MICU2: variants seen among roughly 807,000 people sequenced by gnomAD.
The protein encoded by MICU2 is calcium uptake protein 2, mitochondrial.
MICU2 carries 64 observed loss-of-function variants against 60.4 expected under a neutral mutation model. The observed-to-expected ratio is 1.06, with a 90% confidence interval of 0.87 to 1.31. MICU2 has a LOEUF of 1.31. Ranked by LOEUF, MICU2 falls within the 50% of genes most tolerant of loss-of-function variation. The probability of loss-of-function intolerance (pLI) is 0.00; values close to 1 mark genes in which losing one functional copy is unlikely to be tolerated. For synonymous variants in MICU2, 201 were observed against 175.0 expected (o/e 1.15, Z -1.17); for missense variants, 569 against 531.0 (o/e 1.07, Z -0.70).
chr13:21,572,167 G>A (rs1197133575), intron 1 of MICU2, among the ~76,000 whole-genome samples: 1 of 152,240 alleles, frequency 6.6e-6, no homozygotes, highest in African/African-American at 2.4e-5. Context: ...TAAGGCAGGA[G>A]AGAAAAATAA....
chr13:21,543,276 G>A (rs1353106085), intron 2 of MICU2, among the ~76,000 whole-genome samples: 1 of 152,100 alleles, frequency 6.6e-6, no homozygotes, highest in Non-Finnish European at 1.5e-5. Context: ...ATGAGACAAG[G>A]ATGCTCACCC....
intron 7 of MICU2, among the ~76,000 whole-genome samples, chr13:21,511,772 T>C (rs747278849): frequency 1.3e-5 from 2 of 152,212 alleles, no homozygotes; most frequent in South Asian, 2.1e-4. Flanking sequence ...AAACATGTTA[T>C]ATAAATAGAA....
chr13:21,528,079 G>T (rs529397106), intron 4 of MICU2, among the ~76,000 whole-genome samples: 1 of 152,086 alleles, frequency 6.6e-6, no homozygotes, highest in African/African-American at 2.4e-5. Flanking sequence ...ATATTTTTGA[G>T]GATGGTATTA....
chr13:21,534,151 T>C (rs938306757), intron 4 of MICU2, among the ~76,000 whole-genome samples: 1 of 152,024 alleles, frequency 6.6e-6, no homozygotes, highest in Non-Finnish European at 1.5e-5. Context: ...GGATCTAATT[T>C]TGCTGACAAA....
intron 1 of MICU2, among the ~76,000 whole-genome samples, chr13:21,597,240 T>C (rs1389508617): frequency 2.6e-5 from 4 of 152,230 alleles, no homozygotes; most frequent in Non-Finnish European, 5.9e-5. Flanking sequence ...ACATATTTAC[T>C]GCACCTACTA....
chr13:21,537,384 G>A (rs1311952224), intron 4 of MICU2, among the ~76,000 whole-genome samples: 2 of 151,818 alleles, frequency 1.3e-5, no homozygotes, highest in Admixed American at 6.6e-5. Flanking sequence ...TCTCTCATCA[G>A]TTCTTTTTCC....
chr13:21,539,189 G>A, intron 4 of MICU2, 113 bp downstream of exon 4: 1 of 897,130 alleles, frequency 1.1e-6, no homozygotes. Flanking sequence ...CTTACTTCAT[G>A]TTTTAAAAAC....
intron 11 of MICU2, 26 bp downstream of exon 11, chr13:21,495,135 T>C (rs1261417731): frequency 1.3e-6 from 2 of 1,569,930 alleles, no homozygotes; most frequent in East Asian, 2.2e-5. Flanking sequence ...AATGTAAACA[T>C]GTATTATATA....
At chr13:21,502,699 T>C (rs956337143) in intron 9 of MICU2, 1 of 428,346 alleles carries the variant, frequency 2.3e-6, no homozygotes, top group Non-Finnish European at 4.1e-6. Flanking sequence ...GTGATACTTG[T>C]CTTATTCTTG....
In MICU2 at chr13:21,583,046, G is replaced by C. The variant is rs542563822; in HGVS notation, c.211-16102C>G. On this transcript the variant is annotated intron_variant, in intron 1 of 11. Coordinates refer to ENST00000382374, the MANE Select transcript of MICU2 (RefSeq NM_152726.3). ...CTTTTTACAACTATAATTTAAGATG[G>C]ATTTAAGCACTGCCTAATGGTCAAG... The C allele has an allele frequency of 2.0e-5, 3 of 152,724 alleles. No individual in the cohort carries two copies. In the East Asian group the frequency reaches 5.8e-4, roughly 29 times the overall value. 9.5% of individuals were successfully genotyped at this position (152,724 alleles called of 1,614,324 possible).
At chr13:21,550,159 C>G (rs909889554) in intron 2 of MICU2, among the ~76,000 whole-genome samples, 3 of 152,228 alleles carry the variant, frequency 2.0e-5, no homozygotes, top group African/African-American at 7.2e-5. Flanking sequence ...ACTCTATCAT[C>G]TCATTCCAGA....
At chr13:21,583,174 G>C (rs1471791886) in intron 1 of MICU2, among the ~76,000 whole-genome samples, 1 of 152,134 alleles carries the variant, frequency 6.6e-6, no homozygotes, top group Non-Finnish European at 1.5e-5. Flanking sequence ...AGGCCTGCTT[G>C]GGTCTAGGAG....
intron 1 of MICU2, among the ~76,000 whole-genome samples, chr13:21,579,150 C>T (rs189312819): frequency 6.6e-6 from 1 of 152,016 alleles, no homozygotes; most frequent in Admixed American, 6.6e-5. Flanking sequence ...AAAGAATGAG[C>T]CAGATATTAT....
chr13:21,586,630 T>C (rs1341916279), intron 1 of MICU2, among the ~76,000 whole-genome samples: 2 of 152,136 alleles, frequency 1.3e-5, no homozygotes, highest in Non-Finnish European at 2.9e-5. Context: ...CAGGCTGGCC[T>C]CAAACTCCTG....
chr13:21,519,581 C>G (rs1359523912), intron 6 of MICU2, among the ~76,000 whole-genome samples: 2 of 152,194 alleles, frequency 1.3e-5, no homozygotes, highest in African/African-American at 4.8e-5. Flanking sequence ...CCTTTTCACT[C>G]TATTTCTTCC....
intron 1 of MICU2, among the ~76,000 whole-genome samples, chr13:21,584,373 A>C (rs1216855471): frequency 6.7e-6 from 1 of 149,238 alleles, no homozygotes; most frequent in Admixed American, 6.8e-5. Flanking sequence ...TGGGTGACAG[A>C]GCGAGACTCC....
intron 4 of MICU2, among the ~76,000 whole-genome samples, chr13:21,532,742 A>T (rs1887031491): frequency 6.6e-6 from 1 of 152,222 alleles, no homozygotes; most frequent in African/African-American, 2.4e-5. Context: ...AGACTACAAA[A>T]TGTCCTCATT....
At chr13:21,582,704 A>T (rs550048809) in intron 1 of MICU2, among the ~76,000 whole-genome samples, 1 of 152,140 alleles carries the variant, frequency 6.6e-6, no homozygotes, top group Non-Finnish European at 1.5e-5. Flanking sequence ...CTGCTCTGCC[A>T]TAAGTGTTTT....
At chr13:21,544,809 G>A (rs1189512855) in intron 2 of MICU2, among the ~76,000 whole-genome samples, 1 of 152,038 alleles carries the variant, frequency 6.6e-6, no homozygotes, top group Admixed American at 6.6e-5. Flanking sequence ...GCACCACCAG[G>A]CCTGGCTAAT....
Sources: gnomAD v4.1 joint callset for allele counts (sites outside exome capture counted in the v4.1 genomes callset) on GRCh38, gnomAD v4.1.1 for gene constraint, MANE v1.5 for transcripts, NCBI Gene and HGNC (gene_info 2026-07-23, HGNC 2026-07-21) for gene names.